Variants in CASP5 observed in about 807,000 individuals in gnomAD.
CASP5 encodes the protein caspase 5.
CASP5 carries 42 observed loss-of-function variants against 45.2 expected under a neutral mutation model. The ratio of observed to expected loss-of-function variants is 0.93; its 90% CI spans 0.73 to 1.20. CASP5 has a LOEUF of 1.20. CASP5 is among the 50% of genes most tolerant of loss of function. The pLI is 0.00. For missense variants in CASP5, 512 were observed against 532.2 expected, an observed-to-expected ratio of 0.96 and a Z score of 0.37; for synonymous variants, 209 against 186.2, an observed-to-expected ratio of 1.12 and a Z score of -1.00.
At chr11:104,997,152 A>C (rs186297871) in intron 8 of CASP5, among the ~76,000 whole-genome samples, 2 of 152,272 alleles carry the variant, frequency 1.3e-5, no homozygotes, top group East Asian at 1.9e-4. Flanking sequence ...GTTATAACCC[A>C]AAATAGGAAG....
Position 105,002,210 on chromosome 11 carries a change from G to C in CASP5, c.544-9C>G. 1.4e-5 allele frequency: 23 copies of C among 1,612,322 alleles called. No homozygotes were observed. Among genetic ancestry groups the C allele is most frequent in the Non-Finnish European group, 1.9e-5 (22 of 1,179,238 alleles). On this transcript the variant is annotated splice_polypyrimidine_tract_variant and intron_variant, in intron 4 of 9. Transcript: ENST00000260315. ...TTTTTTATTGGATAGATCTGCAGGAGATGGAGATGAAGCAACTTTGATTAC... is the reference window on the plus strand; with the variant it reads ...TTTTTTATTGGATAGATCTGCAGGACATGGAGATGAAGCAACTTTGATTAC...
intron 1 of CASP5, among the ~76,000 whole-genome samples, chr11:105,017,419 A>C (rs1486188626): frequency 1.3e-5 from 2 of 152,130 alleles, no homozygotes; most frequent in Non-Finnish European, 2.9e-5. Context: ...AAAAATTTAG[A>C]AGAATGTATA....
chr11:105,001,527 G>A lies in CASP5; in HGVS notation c.717+501C>T, dbSNP rs148948762. Among the ~76,000 whole-genome samples the A allele has an allele frequency of 5.0e-3, 762 of 152,294 alleles. 7 individuals are homozygous for A. Among genetic ancestry groups the A allele is most frequent in the Non-Finnish European group, 8.6e-3 (586 of 68,030 alleles). ...TAAAAATAGAGAAAATTAGCCGGGCGTGGTGGCACGCTCCTGTAGCCCCAG... is the reference window on the plus strand; with the variant it reads ...TAAAAATAGAGAAAATTAGCCGGGCATGGTGGCACGCTCCTGTAGCCCCAG... On this transcript the variant is annotated intron_variant, in intron 5 of 9. Coordinates refer to ENST00000260315, the MANE Select transcript of CASP5 (RefSeq NM_004347.5).
At chr11:105,022,209 T>C (rs1287290484) in intron 1 of CASP5, among the ~76,000 whole-genome samples, 1 of 149,190 alleles carries the variant, frequency 6.7e-6, no homozygotes, top group Admixed American at 6.7e-5. Flanking sequence ...TACCTAATGC[T>C]AGATGACGAG....
intron 1 of CASP5, among the ~76,000 whole-genome samples, chr11:105,015,759 A>T (rs1862558062): frequency 6.6e-6 from 1 of 152,136 alleles, no homozygotes; most frequent in Non-Finnish European, 1.5e-5. Context: ...AGACAAAAAA[A>T]AAAAAAATTT....
chr11:105,001,914 A>G (rs1459082062), intron 5 of CASP5, 114 bp downstream of exon 5: 9 of 922,528 alleles, frequency 9.8e-6, no homozygotes, highest in African/African-American at 1.7e-5. Context: ...ACACACACAC[A>G]CGCACACGAA....
intron 1 of CASP5, among the ~76,000 whole-genome samples, chr11:105,017,216 G>A (rs367600996): frequency 2.8e-4 from 43 of 152,258 alleles, no homozygotes; most frequent in African/African-American, 9.6e-4. Flanking sequence ...AAAAAACAGA[G>A]CAGAAAAACT....
chr11:105,013,126 T>A (rs1862433400), intron 1 of CASP5, among the ~76,000 whole-genome samples: 1 of 151,910 alleles, frequency 6.6e-6, no homozygotes, highest in Non-Finnish European at 1.5e-5. Context: ...CAACATTGAT[T>A]AACATGGATA....
chr11:105,017,899 C>T (rs1400784531), intron 1 of CASP5, among the ~76,000 whole-genome samples: 8 of 152,114 alleles, frequency 5.3e-5, no homozygotes, highest in African/African-American at 1.9e-4. Flanking sequence ...TTAAGGGCAG[C>T]CAGAGAGAAA....
intron 2 of CASP5, among the ~76,000 whole-genome samples, chr11:105,008,295 A>G (rs927159773): frequency 1.3e-5 from 2 of 152,146 alleles, no homozygotes; most frequent in African/African-American, 4.8e-5. Context: ...ATTGTTGAAA[A>G]TACATCTAGA....
At chr11:105,006,423 CTGG>C (rs1165887089) in intron 3 of CASP5, among the ~76,000 whole-genome samples, 1 of 152,180 alleles carries the variant, frequency 6.6e-6, no homozygotes, top group Non-Finnish European at 1.5e-5. Context: ...CAGTTACATT[CTGG>C]TAGCAGAAAC....
rs1311613429 is a variant in CASP5, at chr11:105,007,262, T to C, written c.254A>G (p.Asn85Ser). 2.4e-5 allele frequency: 38 copies of C among 1,612,262 alleles called. No individual in the cohort carries two copies. Among genetic ancestry groups the C allele is most frequent in the Non-Finnish European group, 3.2e-5 (38 of 1,179,530 alleles). ...CAGAACATCGTGTTTTGCCAAATAA[T>C]TAAAAACACCATGAAGAACATCTTT... The part of the protein sequence containing the change: ...LGKDVLHGVF[N>S]YLAKHDVLTL... Residue 85 changes from asparagine to serine, a missense_variant, in exon 3 of 10, where the codon AAT becomes AGT. Transcript: ENST00000260315.
chr11:105,006,959 G>T, intron 3 of CASP5, 124 bp downstream of exon 3: 1 of 875,732 alleles, frequency 1.1e-6, no homozygotes, highest in Non-Finnish European at 1.8e-6. Flanking sequence ...ATGATGACAT[G>T]TTTACTGAAA....
At position 105,007,153 on chromosome 11, in the gene CASP5, C is replaced by A; in HGVS notation, c.363G>T (p.Lys121Asn). 6.2e-7 allele frequency: 1 copy of A among 1,613,844 alleles called. No homozygotes were observed. Among genetic ancestry groups the A allele is most frequent in the Non-Finnish European group, 8.5e-7 (1 of 1,179,776 alleles). The change falls in exon 3 of 10, where the codon AAG becomes AAT. Residue 121 changes from lysine to asparagine, a missense_variant. By Grantham distance (94) the Lys-to-Asn change is moderately conservative (BLOSUM62 0). Coordinates refer to ENST00000260315, the MANE Select transcript of CASP5 (RefSeq NM_004347.5). ...KALILVDSLR[K>N]NRVAHQMFTQ... ...TAAACATTTGATGAGCCACGCGATT[C>A]TTTCGCAAAGAGTCTACCAAGATCA...
intron 9 of CASP5, chr11:104,995,238 C>A (rs1299884212): frequency 1.3e-5 from 2 of 152,320 alleles, no homozygotes; most frequent in Non-Finnish European, 2.9e-5. Context: ...TGACAAGGAC[C>A]CCATCTTTAG....
chr11:105,018,486 A>G (rs953827714), intron 1 of CASP5, among the ~76,000 whole-genome samples: 16 of 151,290 alleles, frequency 1.1e-4, no homozygotes, highest in African/African-American at 3.4e-4. Context: ...GAAAACAAAA[A>G]AAGGCAGGGG....
In CASP5 at chr11:105,003,397, C is replaced by A. The variant is rs899035229; in HGVS notation, c.434-14G>T. On this transcript the variant is annotated splice_polypyrimidine_tract_variant and intron_variant, in intron 3 of 9. Coordinates refer to ENST00000260315, the MANE Select transcript of CASP5 (RefSeq NM_004347.5). ...TTTGCAGAAGAGCTGTGGGATATCA[C>A]AAAATATAAATTATGGTTTCTGCCT... 8.9e-6 allele frequency: 13 copies of A among 1,453,162 alleles called. No individual in the cohort carries two copies. Among genetic ancestry groups the A allele is most frequent in the Non-Finnish European group, 1.2e-5 (13 of 1,054,600 alleles). 90.0% of individuals were successfully genotyped at this position (1,453,162 alleles called of 1,614,324 possible).
chr11:105,002,326 C>T, intron 4 of CASP5, 125 bp from the exon 5 acceptor site: 1 of 696,712 alleles, frequency 1.4e-6, no homozygotes, highest in Non-Finnish European at 2.5e-6. Flanking sequence ...TATCAGAAGA[C>T]ACTGCCTTCC....
At chr11:105,013,466 T>A (rs902121807) in intron 1 of CASP5, among the ~76,000 whole-genome samples, 2 of 152,092 alleles carry the variant, frequency 1.3e-5, no homozygotes, top group African/African-American at 2.4e-5. Context: ...ATTTAGCTCT[T>A]TAGGCATTCT....
Sources: gnomAD v4.1 joint callset for allele counts (sites outside exome capture counted in the v4.1 genomes callset) on GRCh38, gnomAD v4.1.1 for gene constraint, MANE v1.5 for transcripts, NCBI Gene and HGNC (gene_info 2026-07-23, HGNC 2026-07-21) for gene names.